PCDH9: variants seen among roughly 807,000 people sequenced by gnomAD.
PCDH9 encodes the protein protocadherin-9.
In PCDH9, 24 loss-of-function variants were observed where a neutral mutation model predicts 70.6. The observed-to-expected ratio is 0.34, with a 90% CI of 0.25 to 0.48. The LOEUF (loss-of-function observed/expected upper bound fraction) is 0.48. PCDH9 is among the 20% of genes least tolerant of loss of function. The pLI is 0.99. For synonymous variants in PCDH9, 562 were observed against 558.5 expected (o/e 1.01, Z -0.09); for missense variants, 1,281 against 1,503.6 (o/e 0.85, Z 2.45).
rs79698608 is a variant in PCDH9, at chr13:66,523,500, C to T, written c.3340+107710G>A. Among the ~76,000 whole-genome samples the T allele has an allele frequency of 2.3e-3, 350 of 151,948 alleles. 3 individuals carry two copies. Among genetic ancestry groups the T allele is most frequent in the African/African-American group, 8.0e-3 (331 of 41,440 alleles). ...TAGCACATAATGTGTGTCTTCTGAA[C>T]GTAGTTTTTTTGCCAAACGAAGATT... is the stretch of plus-strand genomic sequence containing the variant. On this transcript the variant is annotated intron_variant, in intron 4 of 4. Transcript: ENST00000377865.
intron 2 of PCDH9, among the ~76,000 whole-genome samples, chr13:67,056,655 C>T (rs998434463): frequency 3.9e-5 from 6 of 152,146 alleles, no homozygotes; most frequent in African/African-American, 1.4e-4. Flanking sequence ...ATTAACCTCT[C>T]AATTCATGTA....
chr13:66,462,638 A>C (rs1260883081), intron 4 of PCDH9, among the ~76,000 whole-genome samples: 3 of 151,854 alleles, frequency 2.0e-5, no homozygotes, highest in African/African-American at 7.2e-5. Flanking sequence ...TGAAACATTA[A>C]AAAGATTCCC....
At chr13:66,422,665 G>A (rs117620657) in intron 4 of PCDH9, among the ~76,000 whole-genome samples, 2,647 of 152,192 alleles carry the variant, frequency 0.017, 36 homozygotes, top group East Asian at 0.071. Context: ...AGTGTTCAGA[G>A]GGAAATTTAT....
rs188132427 is a variant in PCDH9 at position 66,635,376 on chromosome 13, C to T, written c.3139-3965G>A. On this transcript the variant is annotated intron_variant, in intron 3 of 4. Coordinates refer to ENST00000377865, the MANE Select transcript of PCDH9 (RefSeq NM_203487.3). ...AGGATGAAAGAAGTAACTACTAAGG[C>T]TTCCACACTTTATTTTCTGTCAGGA... is the stretch of plus-strand genomic sequence containing the variant. Among the ~76,000 whole-genome samples, 137 of 152,228 alleles carry T rather than the reference C, an allele frequency of 9.0e-4. 2 individuals are homozygous for T. Among genetic ancestry groups the T allele is most frequent in the South Asian group, 4.2e-3 (20 of 4,818 alleles).
In PCDH9 at chr13:66,347,465, C is replaced by G. The variant is rs150048033; in HGVS notation, c.3341-42437G>C. 2.6e-5 allele frequency among the ~76,000 whole-genome samples: 4 copies of G among 151,938 alleles called. No homozygotes were observed. In the East Asian group the frequency reaches 7.7e-4, roughly 29 times the overall value. On this transcript the variant is annotated intron_variant, in intron 4 of 4. Transcript: ENST00000377865. The stretch of plus-strand genomic sequence containing the variant: ...ATTAGGAAGAAATGATTCTATCACT[C>G]GGAAAAAAAACAAAAACAAACAAAA...
intron 3 of PCDH9, among the ~76,000 whole-genome samples, chr13:66,703,738 A>AG (rs1191286691): frequency 6.6e-6 from 1 of 152,052 alleles, no homozygotes; most frequent in African/African-American, 2.4e-5. Flanking sequence ...TCTAAAAAAA[A>AG]AATACAAAAA....
chr13:66,481,500 G>T (rs951312971), intron 4 of PCDH9, among the ~76,000 whole-genome samples: 4 of 152,132 alleles, frequency 2.6e-5, no homozygotes, highest in Non-Finnish European at 2.9e-5. Flanking sequence ...GGGACATAAT[G>T]TTATTGCACA....
In PCDH9 at chr13:67,136,082, G is replaced by T. The variant is rs9571715; in HGVS notation, c.3036+89323C>A. 2.7e-3 allele frequency among the ~76,000 whole-genome samples: 418 copies of T among 152,222 alleles called. 19 individuals carry two copies. In the East Asian group the frequency reaches 0.073, roughly 27 times the overall value. On this transcript the variant is annotated intron_variant, in intron 2 of 4. Transcript: ENST00000377865. ...ATAAACTGCATATCTGACAGTGGTT[G>T]CTATCTGACAATGGTCTCATAAGAT...
intron 4 of PCDH9, among the ~76,000 whole-genome samples, chr13:66,560,581 G>A (rs772525516): frequency 1.3e-5 from 2 of 152,134 alleles, no homozygotes; most frequent in Non-Finnish European, 2.9e-5. Flanking sequence ...AGCACAGCCC[G>A]GCCATCCAGT....
intron 2 of PCDH9, among the ~76,000 whole-genome samples, chr13:66,917,790 T>C (rs569444373): frequency 3.3e-5 from 5 of 151,588 alleles, no homozygotes; most frequent in African/African-American, 9.6e-5. Flanking sequence ...TAAGGTGTCA[T>C]GTTTTCATTT....
At chr13:66,724,643 G>A (rs933570111) in intron 3 of PCDH9, among the ~76,000 whole-genome samples, 18 of 151,990 alleles carry the variant, frequency 1.2e-4, no homozygotes, top group African/African-American at 4.4e-4. Context: ...TCCTTATTTT[G>A]GCGCCCTACT....
intron 3 of PCDH9, among the ~76,000 whole-genome samples, chr13:66,877,458 G>A (rs1458482552): frequency 6.6e-6 from 1 of 151,466 alleles, no homozygotes; most frequent in African/African-American, 2.4e-5. Context: ...AATTCAAGGA[G>A]AATCCTGAGT....
chr13:67,027,553 C>T (rs1272310002), intron 2 of PCDH9, among the ~76,000 whole-genome samples: 1 of 151,192 alleles, frequency 6.6e-6, no homozygotes, highest in Middle Eastern at 3.5e-3. Flanking sequence ...GCAACAAAAG[C>T]CAAAATTGAC....
At chr13:66,962,371 C>T (rs1446517636) in intron 2 of PCDH9, among the ~76,000 whole-genome samples, 1 of 151,258 alleles carries the variant, frequency 6.6e-6, no homozygotes, top group Non-Finnish European at 1.5e-5. Context: ...CTTCCCAAGA[C>T]ACCTCCAAAG....
chr13:66,722,621 T>C (rs1006755008), intron 3 of PCDH9, among the ~76,000 whole-genome samples: 1 of 152,054 alleles, frequency 6.6e-6, no homozygotes, highest in African/African-American at 2.4e-5. Flanking sequence ...GTGTGATTAG[T>C]GGGGTAGCCA....
intron 2 of PCDH9, among the ~76,000 whole-genome samples, chr13:66,934,618 G>C (rs2082877423): frequency 6.9e-6 from 1 of 145,150 alleles, no homozygotes; most frequent in Non-Finnish European, 1.5e-5. Flanking sequence ...AAAGCAAAAA[G>C]CAGAATAGTT....
intron 2 of PCDH9, among the ~76,000 whole-genome samples, chr13:67,063,526 A>G (rs1005355984): frequency 2.8e-5 from 1 of 35,706 alleles, no homozygotes; most frequent in Non-Finnish European, 5.7e-5. Context: ...AAAGCTTTCC[A>G]AGGCAAAAAA....
chr13:66,863,526 G>A (rs1380741189), intron 3 of PCDH9, among the ~76,000 whole-genome samples: 2 of 151,854 alleles, frequency 1.3e-5, no homozygotes, highest in East Asian at 1.9e-4. Flanking sequence ...TCACTCTGTC[G>A]CCCACCTGGA....
intron 2 of PCDH9, among the ~76,000 whole-genome samples, chr13:66,965,462 C>G (rs915134022): frequency 2.6e-5 from 4 of 152,064 alleles, no homozygotes; most frequent in African/African-American, 9.7e-5. Context: ...CTCACCACTC[C>G]ATATGCTTAG....
Sources: allele counts gnomAD v4.1 joint callset (sites outside exome capture counted in the v4.1 genomes callset), GRCh38; gene constraint gnomAD v4.1.1; transcripts MANE v1.5; gene names NCBI Gene and HGNC (gene_info 2026-07-23, HGNC 2026-07-21).